The following MTUS1 variants were observed in gnomAD, a reference collection of about 807,000 sequenced individuals.
MTUS1 encodes the protein microtubule-associated tumor suppressor 1.
Under a neutral mutation model 120.8 loss-of-function variants are expected in MTUS1, and 109 were observed. The observed-to-expected ratio is 0.90, with a 90% confidence interval of 0.77 to 1.06. MTUS1 has a LOEUF of 1.06. Ranked by LOEUF, MTUS1 falls within the 50% of genes least tolerant of loss-of-function variation. MTUS1 has a pLI of 0.00. For synonymous variants in MTUS1, 737 were observed against 550.5 expected (o/e 1.34, Z -4.74); for missense variants, 2,210 against 1,486.3 (o/e 1.49, Z -8.01).
At chr8:17,676,052 A>T in intron 7 of MTUS1, 1 of 572,328 alleles carries the variant, frequency 1.7e-6, no homozygotes, top group Non-Finnish European at 3.1e-6. Context: ...GAGTAACTAA[A>T]AAAAAAATGA....
chr8:17,677,165 T>C (rs73666304), intron 7 of MTUS1, among the ~76,000 whole-genome samples: 3,110 of 152,290 alleles, frequency 0.02, 91 homozygotes, highest in African/African-American at 0.069. Context: ...GGTTTTCTAA[T>C]GTAGAAATTA....
chr8:17,765,348 G>C (rs574523370), intron 1 of MTUS1, among the ~76,000 whole-genome samples: 2 of 152,272 alleles, frequency 1.3e-5, no homozygotes, highest in South Asian at 4.1e-4. Context: ...GCTGTCATTG[G>C]CTGGGCATGG....
At chr8:17,777,661 C>G (rs2050562026) in intron 1 of MTUS1, among the ~76,000 whole-genome samples, 1 of 152,128 alleles carries the variant, frequency 6.6e-6, no homozygotes, top group Non-Finnish European at 1.5e-5. Flanking sequence ...TCCTGAGAAC[C>G]TGCCAGACAC....
intron 3 of MTUS1, among the ~76,000 whole-genome samples, chr8:17,724,641 C>T (rs1284823445): frequency 1.3e-5 from 2 of 152,164 alleles, no homozygotes; most frequent in Admixed American, 6.5e-5. Flanking sequence ...TATCCTCTGG[C>T]ATCTCTGAAA....
chr8:17,799,676 GTAACCTTGACT>G (rs2052524835), intron 1 of MTUS1, among the ~76,000 whole-genome samples: 1 of 151,964 alleles, frequency 6.6e-6, no homozygotes, highest in Non-Finnish European at 1.5e-5. Flanking sequence ...ACTCCAAAAT[GTAACCTTGACT>G]TATTGACATA....
At chr8:17,771,397 T>C (rs2050013236) in intron 1 of MTUS1, among the ~76,000 whole-genome samples, 1 of 152,234 alleles carries the variant, frequency 6.6e-6, no homozygotes, top group Non-Finnish European at 1.5e-5. Flanking sequence ...TATGCTCCAA[T>C]GGAATCAAAT....
rs375637734 is a variant in MTUS1 at position 17,754,931 on chromosome 8, T to C, written c.877A>G (p.Thr293Ala). Residue 293 changes from threonine to alanine, a missense_variant, in exon 2 of 15, where the codon ACA becomes GCA. Thr to Ala is a moderately conservative substitution (Grantham distance 58). Transcript: ENST00000693296. ...LVGEKETQAL[T>A]PVSDGMEVPN... is the part of the protein sequence containing the mutation. Reference sequence around the variant, plus strand: ...ACTTCCATGCCATCAGAAACTGGTGTTAGTGCTTGTGTCTCCTTTTCTCCA... The same window carrying C: ...ACTTCCATGCCATCAGAAACTGGTGCTAGTGCTTGTGTCTCCTTTTCTCCA... 360 of 1,614,022 alleles carry C rather than the reference T, an allele frequency of 2.2e-4. No individual in the cohort carries two copies. Among genetic ancestry groups the C allele is most frequent in the Non-Finnish European group, 3.0e-4 (349 of 1,179,998 alleles).
chr8:17,754,774 A>C lies in MTUS1; in HGVS notation c.1034T>G (p.Leu345Arg), dbSNP rs375821976. Reference protein sequence around the residue: ...QNLRETVSYCLIDDECPLMVP... With the variant: ...QNLRETVSYCRIDDECPLMVP... The stretch of plus-strand genomic sequence containing the variant: ...CATTAAAGGGCATTCATCATCAATA[A>C]GACAATAGGACACTGTCTCTCTCAG... Residue 345 changes from leucine to arginine, a missense_variant, in exon 2 of 15, where the codon CTT (leucine) becomes CGT (arginine). Leu to Arg is a moderately radical substitution (Grantham distance 102, BLOSUM62 -2). Transcript: ENST00000693296. The C allele has an allele frequency of 3.1e-5, 50 of 1,614,124 alleles. No individual in the cohort carries two copies. In the African/African-American group the frequency reaches 4.5e-4, roughly 15 times the overall value.
intron 6 of MTUS1, chr8:17,697,274 G>C: frequency 6.2e-7 from 1 of 1,613,928 alleles, no homozygotes; most frequent in Non-Finnish European, 8.5e-7. Flanking sequence ...GAAAACAACA[G>C]TGCTTCTCCT....
At chr8:17,685,411 G>T in intron 6 of MTUS1, among the ~76,000 whole-genome samples, 1 of 151,568 alleles carries the variant, frequency 6.6e-6, no homozygotes. Flanking sequence ...AATTGCTTAG[G>T]TTCTTGAAAT....
intron 7 of MTUS1, among the ~76,000 whole-genome samples, chr8:17,678,513 A>C (rs920778595): frequency 6.6e-6 from 1 of 152,202 alleles, no homozygotes; most frequent in Non-Finnish European, 1.5e-5. Flanking sequence ...CTGTGGTCCC[A>C]TCGGTGTGCC....
intron 8 of MTUS1, among the ~76,000 whole-genome samples, chr8:17,664,689 A>T (rs922953926): frequency 6.6e-6 from 1 of 152,130 alleles, no homozygotes; most frequent in Non-Finnish European, 1.5e-5. Flanking sequence ...AGGAGGGGAC[A>T]CTACATTCTA....
chr8:17,649,836 G>C lies in MTUS1; in HGVS notation c.3501+10C>G. The C allele has an allele frequency of 7.0e-7, 1 of 1,420,996 alleles. No individual in the cohort carries two copies. The highest frequency in any genetic ancestry group is 1.0e-6 in the Non-Finnish European group (1 of 1,004,674). 88.0% of individuals were successfully genotyped at this position (1,420,996 alleles called of 1,614,324 possible). A position where few individuals can be genotyped will look rare whatever the true frequency, so the allele number is the denominator to read the frequency against. On this transcript the variant is annotated intron_variant, in intron 13 of 14. Coordinates refer to ENST00000693296, the MANE Select transcript of MTUS1 (RefSeq NM_001363059.2). Reference sequence around the variant, plus strand: ...TTGTAAGATCCTCTTTCATTCTGAAGGAAACATACCAGTTTCTCCATTTTC... The same window carrying C: ...TTGTAAGATCCTCTTTCATTCTGAACGAAACATACCAGTTTCTCCATTTTC...
At chr8:17,721,345 C>T (rs2045827997) in intron 4 of MTUS1, among the ~76,000 whole-genome samples, 1 of 152,132 alleles carries the variant, frequency 6.6e-6, no homozygotes, top group Admixed American at 6.5e-5. Context: ...TGTGATGTTT[C>T]CATTTTAATT....
At chr8:17,742,282 GTTGTTGTTGTTTTTTT>G (rs2047383574) in intron 3 of MTUS1, among the ~76,000 whole-genome samples, 1 of 82,266 alleles carries the variant, frequency 1.2e-5, no homozygotes, top group African/African-American at 6.2e-5. Flanking sequence ...TTTTTTTTTT[GTTGTTGTTGTTTTTTT>G]TTTTTTTTTT....
chr8:17,707,410 T>A (rs1820389013), intron 6 of MTUS1, among the ~76,000 whole-genome samples: 1 of 152,178 alleles, frequency 6.6e-6, no homozygotes, highest in Admixed American at 6.5e-5. Flanking sequence ...TAGTCTTAAG[T>A]CATGATAATA....
Position 17,731,415 on chromosome 8 carries a change from T to A in MTUS1, c.2288-7582A>T, listed in dbSNP as rs2046570066. On this transcript the variant is annotated intron_variant, in intron 3 of 14. Coordinates refer to ENST00000693296, the MANE Select transcript of MTUS1 (RefSeq NM_001363059.2). ...TTGTGAGAATTAAATGAATTTATAATTTTAAAATGCTTAGAACAGCATCTG... is the reference window on the plus strand; with the variant it reads ...TTGTGAGAATTAAATGAATTTATAAATTTAAAATGCTTAGAACAGCATCTG... Among the ~76,000 whole-genome samples the A allele has an allele frequency of 2.0e-5, 3 of 152,176 alleles. No individual in the cohort carries two copies. In the South Asian group the frequency reaches 6.2e-4, roughly 32 times the overall value.
intron 6 of MTUS1, chr8:17,706,236 A>G (rs913864428): frequency 2.0e-5 from 3 of 152,152 alleles, no homozygotes; most frequent in Non-Finnish European, 4.4e-5. Context: ...TTTATAAAAC[A>G]ATTCTATGAT....
intron 13 of MTUS1, among the ~76,000 whole-genome samples, chr8:17,648,796 C>T (rs1021820822): frequency 6.6e-6 from 1 of 152,182 alleles, no homozygotes; most frequent in Admixed American, 6.5e-5. Context: ...CTTGTAGAAG[C>T]CTGAGTCACT....
Sources: allele counts gnomAD v4.1 joint callset (sites outside exome capture counted in the v4.1 genomes callset), GRCh38; gene constraint gnomAD v4.1.1; transcripts MANE v1.5; gene names NCBI Gene and HGNC (gene_info 2026-07-23, HGNC 2026-07-21).